Variants in TMEM181 observed in about 807,000 individuals in gnomAD.
TMEM181 encodes the protein transmembrane protein 181, also known as G protein-coupled receptor 178.
Under a neutral mutation model 71.9 loss-of-function variants are expected in TMEM181, and 39 were observed. The ratio of observed to expected loss-of-function variants is 0.54; its 90% CI spans 0.42 to 0.71. The LOEUF is 0.71. Among genes scored for constraint, TMEM181 ranks in the 30% least tolerant of loss-of-function variants. TMEM181 has a pLI of 0.00. For synonymous variants in TMEM181, 245 were observed against 228.8 expected (o/e 1.07, Z -0.64); for missense variants, 595 against 583.0 (o/e 1.02, Z -0.21).
chr6:158,577,316 G>T (rs1224010637), intron 2 of TMEM181, among the ~76,000 whole-genome samples: 3 of 152,160 alleles, frequency 2.0e-5, no homozygotes, highest in Non-Finnish European at 4.4e-5. Context: ...GAGATGAAAA[G>T]TACGCTAGAG....
intron 13 of TMEM181, chr6:158,626,485 G>A (rs1004452063): frequency 3.1e-5 from 14 of 456,508 alleles, no homozygotes; most frequent in African/African-American, 1.8e-4. Flanking sequence ...TGAGTGACAA[G>A]GGGCCTCTGG....
intron 6 of TMEM181, among the ~76,000 whole-genome samples, chr6:158,597,152 C>G (rs755770834): frequency 6.6e-6 from 1 of 152,132 alleles, no homozygotes; most frequent in African/African-American, 2.4e-5. Flanking sequence ...ATGCCGTCTC[C>G]CTTTAACTCA....
intron 1 of TMEM181, among the ~76,000 whole-genome samples, chr6:158,552,784 C>G (rs574859208): frequency 6.6e-6 from 1 of 152,246 alleles, no homozygotes; most frequent in African/African-American, 2.4e-5. Context: ...ACCTGAGAAG[C>G]TTTAAAATGA....
chr6:158,624,426 G>C (rs1786151170), intron 11 of TMEM181, among the ~76,000 whole-genome samples: 1 of 152,246 alleles, frequency 6.6e-6, no homozygotes, highest in African/African-American at 2.4e-5. Flanking sequence ...GGACAGGAAA[G>C]GGGTGGGGGG....
chr6:158,605,875 C>G (rs1160194936), intron 7 of TMEM181, among the ~76,000 whole-genome samples: 1 of 151,854 alleles, frequency 6.6e-6, no homozygotes, highest in Non-Finnish European at 1.5e-5. Flanking sequence ...GGGAGCCCCC[C>G]CAGAGCCCCA....
chr6:158,623,523 A>G (rs1295135381), intron 10 of TMEM181, 27 bp from the exon 11 acceptor site: 4 of 1,399,182 alleles, frequency 2.9e-6, no homozygotes, highest in Non-Finnish European at 3.9e-6. Flanking sequence ...TTATTAATCT[A>G]TAATTATTTA....
intron 1 of TMEM181, among the ~76,000 whole-genome samples, chr6:158,570,915 G>C (rs1454575957): frequency 4.7e-5 from 7 of 149,758 alleles, no homozygotes; most frequent in Non-Finnish European, 8.9e-5. Flanking sequence ...TTGTTTGTTA[G>C]GTTGGTTTTT....
At chr6:158,567,103 G>A (rs1358060025) in intron 1 of TMEM181, among the ~76,000 whole-genome samples, 2 of 152,202 alleles carry the variant, frequency 1.3e-5, no homozygotes, top group African/African-American at 2.4e-5. Context: ...AGGGCCCCGC[G>A]GCTCTAGGCA....
intron 1 of TMEM181, chr6:158,536,909 G>A: frequency 7.8e-7 from 1 of 1,284,608 alleles, no homozygotes; most frequent in Non-Finnish European, 9.9e-7. Context: ...GAGGCTTCCG[G>A]GCCGCAGTCC....
intron 1 of TMEM181, among the ~76,000 whole-genome samples, chr6:158,571,615 C>T (rs1356422772): frequency 2.0e-5 from 3 of 152,350 alleles, no homozygotes; most frequent in East Asian, 1.9e-4. Context: ...GTGTTAATAA[C>T]GTATTAAACA....
chr6:158,582,887 A>C (rs1326724486), intron 3 of TMEM181, among the ~76,000 whole-genome samples: 1 of 152,178 alleles, frequency 6.6e-6, no homozygotes, highest in Non-Finnish European at 1.5e-5. Flanking sequence ...TTCTTTCAGA[A>C]GGCTAAAAAT....
At chr6:158,583,904 G>C in intron 3 of TMEM181, 50 bp from the exon 4 acceptor site, 1 of 1,402,514 alleles carries the variant, frequency 7.1e-7, no homozygotes, top group Non-Finnish European at 9.9e-7. Context: ...GAGGTATTTG[G>C]TAGACTCAAT....
chr6:158,627,599 C>T (rs1293854132), intron 13 of TMEM181, among the ~76,000 whole-genome samples: 2 of 135,024 alleles, frequency 1.5e-5, no homozygotes, highest in African/African-American at 2.6e-5. Flanking sequence ...TGCCCCAGGC[C>T]GCAGAACAGG....
chr6:158,609,881 A>T, intron 10 of TMEM181: 1 of 236,334 alleles, frequency 4.2e-6, no homozygotes, highest in South Asian at 7.7e-5. Flanking sequence ...CGTTTCCATG[A>T]TGATTCTCTC....
chr6:158,542,382 A>T, intron 1 of TMEM181, among the ~76,000 whole-genome samples: 1 of 152,332 alleles, frequency 6.6e-6, no homozygotes, highest in Non-Finnish European at 1.5e-5. Context: ...AAGTGTTTAC[A>T]TGCATCATCT....
At chr6:158,541,834 G>C (rs73012141) in intron 1 of TMEM181, among the ~76,000 whole-genome samples, 2 of 118,862 alleles carry the variant, frequency 1.7e-5, no homozygotes, top group Non-Finnish European at 3.7e-5. Flanking sequence ...TGACAACTCT[G>C]TCTTTTGTTT....
intron 1 of TMEM181, among the ~76,000 whole-genome samples, chr6:158,566,206 C>T (rs1333593635): frequency 3.9e-5 from 6 of 151,970 alleles, no homozygotes; most frequent in Non-Finnish European, 5.9e-5. Context: ...GTGTGAGGTA[C>T]CTGCTTGATA....
chr6:158,551,126 A>T (rs950653769), intron 1 of TMEM181, among the ~76,000 whole-genome samples: 12 of 151,836 alleles, frequency 7.9e-5, no homozygotes, highest in African/African-American at 2.9e-4. Context: ...CATCCAGCTA[A>T]TTTTTTTGTG....
intron 2 of TMEM181, 88 bp downstream of exon 2, chr6:158,573,611 C>CT: frequency 8.9e-7 from 1 of 1,121,360 alleles, no homozygotes; most frequent in Non-Finnish European, 1.3e-6. Context: ...GTGCCCCTAT[C>CT]TTCCACTGCT....
Sources: allele counts gnomAD v4.1 joint callset (sites outside exome capture counted in the v4.1 genomes callset), GRCh38; gene constraint gnomAD v4.1.1; transcripts MANE v1.5; gene names NCBI Gene and HGNC (gene_info 2026-07-23, HGNC 2026-07-21).